GTF2E2: variants seen among roughly 807,000 people sequenced by gnomAD.
The protein encoded by GTF2E2 is transcription initiation factor IIE subunit beta.
GTF2E2 carries 21 observed loss-of-function variants against 40.5 expected under a neutral mutation model. The observed-to-expected ratio is 0.52, with a 90% CI of 0.37 to 0.75. The LOEUF (loss-of-function observed/expected upper bound fraction) is 0.75. Ranked by LOEUF, GTF2E2 falls within the 30% of genes least tolerant of loss-of-function variation. The pLI is 0.00. For synonymous variants in GTF2E2, 117 were observed against 121.6 expected, an observed-to-expected ratio of 0.96 and a Z score of 0.25; for missense variants, 298 against 338.4, an observed-to-expected ratio of 0.88 and a Z score of 0.94.
chr8:30,590,464 A>G (rs1828813061), intron 6 of GTF2E2, among the ~76,000 whole-genome samples: 1 of 152,178 alleles, frequency 6.6e-6, no homozygotes. Context: ...ACAGTAGTAT[A>G]TATTACAATG....
intron 5 of GTF2E2, among the ~76,000 whole-genome samples, chr8:30,607,436 C>A (rs773293324): frequency 6.6e-6 from 1 of 152,018 alleles, no homozygotes. Context: ...ATTGCCACCA[C>A]GTCTAGCTAA....
intron 3 of GTF2E2, among the ~76,000 whole-genome samples, chr8:30,629,723 T>TA (rs1433321753): frequency 2.1e-5 from 3 of 146,162 alleles, no homozygotes; most frequent in Non-Finnish European, 3.0e-5. Context: ...TGTTGAGCTA[T>TA]ACTCCCAGAG....
chr8:30,609,556 T>C (rs951626765), intron 5 of GTF2E2, among the ~76,000 whole-genome samples: 1 of 152,182 alleles, frequency 6.6e-6, no homozygotes, highest in Non-Finnish European at 1.5e-5. Flanking sequence ...ACAGTTACGA[T>C]GGCAATACTA....
rs775091073 is a variant in GTF2E2, at chr8:30,578,895, A to T, written c.*26T>A. On this transcript the variant is annotated 3_prime_UTR_variant, in exon 8 of 8. Transcript: ENST00000355904. ...GAACACTCTTGATTGTGTATCTGTA[A>T]CTCTGTTCCAGGGCAAAACTGTTCC... 3 of 1,086,752 alleles carry T rather than the reference A, an allele frequency of 2.8e-6. No individual in the cohort carries two copies. The highest frequency in any genetic ancestry group is 4.3e-6 in the Non-Finnish European group (3 of 698,164). 67.3% of individuals were successfully genotyped at this position (1,086,752 alleles called of 1,614,324 possible). A position where few individuals can be genotyped will look rare whatever the true frequency, so the allele number is the denominator to read the frequency against.
chr8:30,649,526 GAA>G (rs1802200908), intron 2 of GTF2E2, among the ~76,000 whole-genome samples: 1 of 152,148 alleles, frequency 6.6e-6, no homozygotes, highest in Admixed American at 6.6e-5. Context: ...AAAAAAGGGA[GAA>G]AAGACAAATT....
At chr8:30,625,355 T>C (rs1472478931) in intron 3 of GTF2E2, among the ~76,000 whole-genome samples, 1 of 151,994 alleles carries the variant, frequency 6.6e-6, no homozygotes, top group Non-Finnish European at 1.5e-5. Flanking sequence ...CATCCCAGGG[T>C]GAAATCTAGG....
At chr8:30,595,280 T>C (rs1445306418) in intron 6 of GTF2E2, among the ~76,000 whole-genome samples, 3 of 152,214 alleles carry the variant, frequency 2.0e-5, no homozygotes, top group African/African-American at 7.2e-5. Flanking sequence ...AAATTTTATT[T>C]CCCATAACAC....
intron 3 of GTF2E2, among the ~76,000 whole-genome samples, chr8:30,626,201 A>C (rs778155060): frequency 4.6e-5 from 7 of 152,206 alleles, no homozygotes; most frequent in Non-Finnish European, 8.8e-5. Flanking sequence ...TAAAAGTAAA[A>C]TGTAGCTGGG....
intron 2 of GTF2E2, among the ~76,000 whole-genome samples, chr8:30,646,594 A>C (rs1373060060): frequency 6.6e-6 from 1 of 152,240 alleles, no homozygotes; most frequent in African/African-American, 2.4e-5. Context: ...CAAGGTACAA[A>C]GATTTTTTAC....
intron 4 of GTF2E2, 73 bp from the exon 5 acceptor site, chr8:30,612,554 T>C: frequency 2.3e-6 from 2 of 888,794 alleles, no homozygotes; most frequent in South Asian, 4.5e-5. Flanking sequence ...TGAAACGTAA[T>C]CTTGCTCTGT....
chr8:30,656,348 G>A (rs942696976), intron 1 of GTF2E2, among the ~76,000 whole-genome samples: 2 of 152,216 alleles, frequency 1.3e-5, no homozygotes, highest in Non-Finnish European at 2.9e-5. Flanking sequence ...AGGAAAGTAG[G>A]AGACAGCCTT....
intron 3 of GTF2E2, among the ~76,000 whole-genome samples, chr8:30,620,866 T>C (rs1312870920): frequency 6.6e-6 from 1 of 151,056 alleles, no homozygotes; most frequent in Admixed American, 6.6e-5. Context: ...CAGACGGAGG[T>C]TGCAATGAGC....
intron 3 of GTF2E2, among the ~76,000 whole-genome samples, chr8:30,619,690 C>A (rs1801030172): frequency 6.6e-6 from 1 of 151,958 alleles, no homozygotes; most frequent in Non-Finnish European, 1.5e-5. Context: ...CCTGGCCAAA[C>A]TGACATATTT....
At chr8:30,656,626 G>C (rs531971422) in intron 1 of GTF2E2, among the ~76,000 whole-genome samples, 1 of 152,172 alleles carries the variant, frequency 6.6e-6, no homozygotes, top group East Asian at 1.9e-4. Flanking sequence ...GGCCAACATG[G>C]TGAAACTCCG....
intron 3 of GTF2E2, among the ~76,000 whole-genome samples, chr8:30,618,238 G>A (rs949302613): frequency 1.0e-4 from 12 of 116,526 alleles, no homozygotes; most frequent in African/African-American, 3.5e-4. Flanking sequence ...CAGAGGTTGC[G>A]GTGAGCCGAG....
At chr8:30,592,294 G>GC in intron 6 of GTF2E2, among the ~76,000 whole-genome samples, 1 of 152,240 alleles carries the variant, frequency 6.6e-6, no homozygotes, top group South Asian at 2.1e-4. Context: ...TAGGAGGATC[G>GC]CCTGTGCCCA....
At chr8:30,579,246 G>C (rs538768762) in intron 7 of GTF2E2, among the ~76,000 whole-genome samples, 9 of 152,200 alleles carry the variant, frequency 5.9e-5, no homozygotes, top group East Asian at 1.9e-4. Context: ...GATGCCATCG[G>C]GAATGAAGGA....
intron 2 of GTF2E2, chr8:30,637,351 C>G: frequency 2.2e-6 from 1 of 453,300 alleles, no homozygotes; most frequent in South Asian, 1.6e-5. Context: ...AACAGTTGTG[C>G]TTATGAGACA....
chr8:30,645,554 G>T lies in GTF2E2; in HGVS notation c.166+7879C>A, dbSNP rs377468023. On this transcript the variant is annotated intron_variant, in intron 2 of 7. Coordinates refer to ENST00000355904, the MANE Select transcript of GTF2E2 (RefSeq NM_002095.6). ...AAAAGTGAACCCAACCCTCTTAGAA[G>T]TATGATGGACAACATCAGAAAACGT... 3.7e-5 allele frequency: 57 copies of T among 1,535,644 alleles called. No individual in the cohort carries two copies. The East Asian group carries it at 6.8e-4, about 18-fold the overall frequency.
Sources: allele counts gnomAD v4.1 joint callset (sites outside exome capture counted in the v4.1 genomes callset), GRCh38; gene constraint gnomAD v4.1.1; transcripts MANE v1.5; gene names NCBI Gene and HGNC (gene_info 2026-07-23, HGNC 2026-07-21).